MAN1A1: variants seen among roughly 807,000 people sequenced by gnomAD.
The protein encoded by MAN1A1 is mannosyl-oligosaccharide 1,2-alpha-mannosidase IA.
MAN1A1 carries 29 observed loss-of-function variants against 70.8 expected under a neutral mutation model. That is an observed-to-expected ratio of 0.41 (90% CI 0.31 to 0.56). MAN1A1 has a LOEUF of 0.56. Among genes scored for constraint, MAN1A1 ranks in the 20% least tolerant of loss-of-function variants. MAN1A1 has a pLI of 0.29. For missense variants in MAN1A1, 747 were observed against 841.3 expected (o/e 0.89, Z 1.39); for synonymous variants, 349 against 330.1 (o/e 1.06, Z -0.62).
Position 119,200,122 on chromosome 6 carries a change from C to G in MAN1A1, c.1210+1132G>C, listed in dbSNP as rs188896036. 1.6e-3 allele frequency among the ~76,000 whole-genome samples: 251 copies of G among 152,148 alleles called. 2 individuals are homozygous for G. Among genetic ancestry groups the G allele is most frequent in the African/African-American group, 5.9e-3 (243 of 41,506 alleles). On this transcript the variant is annotated intron_variant, in intron 8 of 12. Transcript: ENST00000368468. Reference sequence around the variant, plus strand: ...AGAAAGAGAGATGAGATACAGAGCACATATGTATTCACAAAATTTAAGTAA... The same window carrying G: ...AGAAAGAGAGATGAGATACAGAGCAGATATGTATTCACAAAATTTAAGTAA...
At chr6:119,187,198 T>C (rs1773315240) in intron 11 of MAN1A1, among the ~76,000 whole-genome samples, 1 of 152,206 alleles carries the variant, frequency 6.6e-6, no homozygotes, top group African/African-American at 2.4e-5. Context: ...TTCTTAGTGG[T>C]ATATAAAATA....
At chr6:119,256,781 C>T (rs968190049) in intron 5 of MAN1A1, among the ~76,000 whole-genome samples, 1 of 152,086 alleles carries the variant, frequency 6.6e-6, no homozygotes, top group Admixed American at 6.6e-5. Context: ...TAAGACACTT[C>T]CTGAGGAACG....
intron 5 of MAN1A1, among the ~76,000 whole-genome samples, chr6:119,271,772 G>A (rs775663578): frequency 6.6e-6 from 1 of 152,082 alleles, no homozygotes. Context: ...CCAAAATGCT[G>A]GGATTACAGG....
intron 2 of MAN1A1, among the ~76,000 whole-genome samples, chr6:119,321,160 A>C (rs1159688960): frequency 6.6e-6 from 1 of 152,204 alleles, no homozygotes; most frequent in African/African-American, 2.4e-5. Context: ...ACTACATGAA[A>C]TCTTATTTAA....
chr6:119,204,593 G>A (rs1007754077), intron 7 of MAN1A1, among the ~76,000 whole-genome samples, 166 bp downstream of exon 7: 2 of 152,216 alleles, frequency 1.3e-5, no homozygotes, highest in African/African-American at 4.8e-5. Context: ...AAAGGCTGTA[G>A]GTTTACAGTT....
At chr6:119,251,444 T>C (rs1775314069) in intron 5 of MAN1A1, among the ~76,000 whole-genome samples, 1 of 152,224 alleles carries the variant, frequency 6.6e-6, no homozygotes, top group South Asian at 2.1e-4. Flanking sequence ...TCTCTCATTT[T>C]AAATCACTCT....
At chr6:119,200,584 A>G (rs1017990998) in intron 8 of MAN1A1, among the ~76,000 whole-genome samples, 3 of 152,186 alleles carry the variant, frequency 2.0e-5, no homozygotes, top group Admixed American at 2.0e-4. Flanking sequence ...GTTTTCAGCT[A>G]TTTAATCTAC....
At chr6:119,233,900 T>C (rs1774762784) in intron 6 of MAN1A1, among the ~76,000 whole-genome samples, 1 of 152,224 alleles carries the variant, frequency 6.6e-6, no homozygotes, top group African/African-American at 2.4e-5. Flanking sequence ...CTTTGCACAG[T>C]AGAATTATTA....
chr6:119,283,592 G>A (rs1198216813), intron 5 of MAN1A1, among the ~76,000 whole-genome samples: 1 of 152,016 alleles, frequency 6.6e-6, no homozygotes, highest in African/African-American at 2.4e-5. Flanking sequence ...TGCAGCCAGG[G>A]AAGGCCTCGG....
At chr6:119,348,425 C>T (rs749607360) in intron 2 of MAN1A1, 38 bp downstream of exon 2, 1 of 1,508,822 alleles carries the variant, frequency 6.6e-7, no homozygotes, top group Non-Finnish European at 9.0e-7. Context: ...CTGAAAAACA[C>T]GGCCGGTCGG....
At chr6:119,208,754 T>A (rs1773958209) in intron 6 of MAN1A1, among the ~76,000 whole-genome samples, 1 of 152,190 alleles carries the variant, frequency 6.6e-6, no homozygotes, top group Non-Finnish European at 1.5e-5. Context: ...AGGATTGCTC[T>A]GGATTGATGG....
intron 6 of MAN1A1, among the ~76,000 whole-genome samples, chr6:119,237,976 T>C (rs1774900984): frequency 6.6e-6 from 1 of 152,204 alleles, no homozygotes; most frequent in Non-Finnish European, 1.5e-5. Flanking sequence ...CACATTATTC[T>C]TAAAGTGATG....
At chr6:119,250,675 T>TGTGTGTGTGC (rs1554208620) in intron 5 of MAN1A1, among the ~76,000 whole-genome samples, 5 of 148,770 alleles carry the variant, frequency 3.4e-5, no homozygotes, top group African/African-American at 1.2e-4. Flanking sequence ...TGTGTGTGTG[T>TGTGTGTGTGC]GCGTGTCAGT....
intron 5 of MAN1A1, among the ~76,000 whole-genome samples, chr6:119,264,113 C>G (rs1775685064): frequency 6.6e-6 from 1 of 152,156 alleles, no homozygotes; most frequent in Non-Finnish European, 1.5e-5. Context: ...GTCAGTGGTT[C>G]CCAAAATGTG....
Position 119,336,749 on chromosome 6 carries a change from T to C in MAN1A1, c.603+11714A>G, listed in dbSNP as rs183249570. 7.2e-5 allele frequency among the ~76,000 whole-genome samples: 11 copies of C among 152,342 alleles called. No homozygotes were observed. In the East Asian group the frequency reaches 1.9e-3, roughly 27 times the overall value. On this transcript the variant is annotated intron_variant, in intron 2 of 12. Coordinates refer to ENST00000368468, the MANE Select transcript of MAN1A1 (RefSeq NM_005907.4). ...GCTAACCTATGACTTTTCATTTTAG[T>C]GTGGTACTGTAAGCATTACTCATTA...
At chr6:119,255,914 C>T (rs1299271681) in intron 5 of MAN1A1, among the ~76,000 whole-genome samples, 1 of 151,360 alleles carries the variant, frequency 6.6e-6, no homozygotes, top group African/African-American at 2.5e-5. Flanking sequence ...TTACAAACTT[C>T]ATTTTTTAAA....
At chr6:119,247,546 A>G (rs1775199569) in intron 6 of MAN1A1, among the ~76,000 whole-genome samples, 1 of 152,254 alleles carries the variant, frequency 6.6e-6, no homozygotes, top group South Asian at 2.1e-4. Flanking sequence ...AGGAAGCTTA[A>G]GACAAAATCG....
intron 5 of MAN1A1, among the ~76,000 whole-genome samples, chr6:119,267,470 T>C (rs908159717): frequency 1.3e-5 from 2 of 152,212 alleles, no homozygotes; most frequent in African/African-American, 4.8e-5. Context: ...TCCACTAAGC[T>C]TGACTTTCTA....
Position 119,290,729 on chromosome 6 carries a change from C to A in MAN1A1, c.851G>T (p.Arg284Leu). ...AEISVFEVNI[R>L]FVGGLLSAYY... ...GGCTGAGAGTAGTCCACCAACAAAG[C>A]GTATATTTACTTCAAAGACAGAAAT... The change falls in exon 5 of 13, where the codon CGC (arginine) becomes CTC (leucine). Residue 284 changes from arginine (R) to leucine (L), a missense_variant. Physicochemically the swap from Arg to Leu is moderately radical, Grantham distance 102. Coordinates refer to ENST00000368468, the MANE Select transcript of MAN1A1 (RefSeq NM_005907.4). 1.2e-6 allele frequency: 2 copies of A among 1,610,508 alleles called. No homozygotes were observed. Among genetic ancestry groups the A allele is most frequent in the Non-Finnish European group, 8.5e-7 (1 of 1,177,936 alleles).
Sources: gnomAD v4.1 joint callset for allele counts (sites outside exome capture counted in the v4.1 genomes callset) on GRCh38, gnomAD v4.1.1 for gene constraint, MANE v1.5 for transcripts, NCBI Gene and HGNC (gene_info 2026-07-23, HGNC 2026-07-21) for gene names.